HMGXB3: variants seen among roughly 807,000 people sequenced by gnomAD.
HMGXB3 encodes the protein HMG domain-containing protein 3.
In HMGXB3, 45 loss-of-function variants were observed where a neutral mutation model predicts 121.5. The observed-to-expected ratio is 0.37, with a 90% CI of 0.29 to 0.47. The LOEUF is 0.47. Ranked by LOEUF, HMGXB3 falls within the 20% of genes least tolerant of loss-of-function variation. The pLI, the probability that HMGXB3 is intolerant of heterozygous loss-of-function variation, is 0.99. For synonymous variants in HMGXB3, 590 were observed against 624.1 expected (o/e 0.95, Z 0.81); for missense variants, 1,376 against 1,602.2 (o/e 0.86, Z 2.41).
intron 13 of HMGXB3, among the ~76,000 whole-genome samples, chr5:150,039,521 A>G (rs1018247707): frequency 1.3e-5 from 2 of 152,048 alleles, no homozygotes; most frequent in Non-Finnish European, 2.9e-5. Context: ...CTTGTGTATA[A>G]TCAGGTAATT....
intron 5 of HMGXB3, among the ~76,000 whole-genome samples, chr5:150,013,105 A>C (rs1470373787): frequency 6.6e-6 from 1 of 152,184 alleles, no homozygotes; most frequent in Non-Finnish European, 1.5e-5. Flanking sequence ...GATATTGTCT[A>C]GGACTTCTGG....
At chr5:150,046,235 T>C (rs928240916) in intron 16 of HMGXB3, among the ~76,000 whole-genome samples, 2 of 152,190 alleles carry the variant, frequency 1.3e-5, no homozygotes, top group African/African-American at 4.8e-5. Context: ...CGATAATAGC[T>C]ACCCACTTCC....
At chr5:150,008,623 G>T (rs928238336) in intron 3 of HMGXB3, among the ~76,000 whole-genome samples, 4 of 152,222 alleles carry the variant, frequency 2.6e-5, no homozygotes, top group African/African-American at 9.6e-5. Flanking sequence ...TCAGAGCCCT[G>T]TGGCAGGCTG....
intron 4 of HMGXB3, 148 bp downstream of exon 4, chr5:150,010,756 C>T: frequency 3.6e-6 from 3 of 827,180 alleles, no homozygotes; most frequent in Non-Finnish European, 3.7e-6. Context: ...ATGTGTCTTG[C>T]CCCTGGGCTC....
In HMGXB3 at chr5:150,001,171, C is replaced by T. The variant is rs1231573369; in HGVS notation, c.-11C>T. The T allele has an allele frequency of 6.5e-6, 1 of 152,952 alleles. No individual in the cohort carries two copies. Among genetic ancestry groups the T allele is most frequent in the East Asian group, 1.9e-4 (1 of 5,178 alleles). The allele number at this position is 152,952 out of a possible 1,614,324, so 9.5% of individuals were successfully genotyped here. A position where few individuals can be genotyped will look rare whatever the true frequency, so the allele number is the denominator to read the frequency against. The stretch of plus-strand genomic sequence containing the variant: ...GAATGTGAGCGGCGCAGCTTGCACG[C>T]TCCTCCGGGTAAGTCCCGCCTTCGA... On this transcript the variant is annotated 5_prime_UTR_variant, in exon 1 of 20. Transcript: ENST00000502717.
chr5:150,002,624 G>C (rs1019942675), intron 1 of HMGXB3, among the ~76,000 whole-genome samples: 5 of 152,168 alleles, frequency 3.3e-5, no homozygotes, highest in African/African-American at 1.2e-4. Flanking sequence ...CTCCCTCCAA[G>C]GATTGAGACT....
chr5:150,012,330 G>A lies in HMGXB3; in HGVS notation c.886G>A (p.Glu296Lys), dbSNP rs927315371. ...MLPLPAYSVV[E>K]NPTSIKLTTT... is the part of the protein sequence containing the mutation. ...GCCTCTGCCTGCCTACTCGGTTGTGGAGAACCCCACCTCCATCAAACTGGT... is the reference window on the plus strand; with the variant it reads ...GCCTCTGCCTGCCTACTCGGTTGTGAAGAACCCCACCTCCATCAAACTGGT... The change falls in exon 5 of 20, where the codon GAG becomes AAG. Residue 296 changes from glutamate (E) to lysine (K), a missense_variant. Around this residue, in one of 2 missense-constraint regions of HMGXB3, gnomAD observed 1,116 missense variants for 1,369.0 expected, o/e 0.82. Transcript: ENST00000502717. 2 of 1,552,274 alleles carry A rather than the reference G, an allele frequency of 1.3e-6. No homozygotes were observed. Among genetic ancestry groups the A allele is most frequent in the East Asian group, 2.4e-5 (1 of 40,918 alleles).
chr5:150,029,466 C>A (rs1189240078), intron 9 of HMGXB3, among the ~76,000 whole-genome samples: 2 of 151,938 alleles, frequency 1.3e-5, no homozygotes, highest in Non-Finnish European at 2.9e-5. Context: ...TCAAAATTTC[C>A]TAAGTTAGCA....
At chr5:150,031,176 G>GT (rs1756367134) in intron 10 of HMGXB3, among the ~76,000 whole-genome samples, 2 of 152,204 alleles carry the variant, frequency 1.3e-5, no homozygotes, top group African/African-American at 2.4e-5. Context: ...GTGTTCCACA[G>GT]TTACATTTAG....
chr5:150,010,316 C>A lies in HMGXB3; in HGVS notation c.518C>A (p.Pro173His). ...LVSNTAPETV[P>H]SHAGMAEQCL... Reference sequence around the variant, plus strand: ...TCCAACACTGCCCCGGAGACAGTGCCCAGCCATGCAGGCATGGCAGAGCAG... The same window carrying A: ...TCCAACACTGCCCCGGAGACAGTGCACAGCCATGCAGGCATGGCAGAGCAG... Residue 173 changes from proline to histidine, a missense_variant, in exon 4 of 20, where the codon CCC becomes CAC. This residue lies in a region of HMGXB3 where 1,116 missense variants were observed against 1,369.0 expected (regional missense o/e 0.82). Coordinates refer to ENST00000502717, the MANE Select transcript of HMGXB3 (RefSeq NM_014983.3). The A allele has an allele frequency of 2.6e-6, 4 of 1,551,766 alleles. No individual in the cohort carries two copies. Among genetic ancestry groups the A allele is most frequent in the Non-Finnish European group, 3.5e-6 (4 of 1,146,998 alleles).
chr5:150,010,515 C>T lies in HMGXB3; in HGVS notation c.717C>T (p.Thr239=). 6.4e-7 allele frequency: 1 copy of T among 1,551,632 alleles called. No homozygotes were observed. Among genetic ancestry groups the T allele is most frequent in the Non-Finnish European group, 8.7e-7 (1 of 1,146,998 alleles). The change falls in exon 4 of 20, where the codon ACC becomes ACT. Residue 239 remains threonine (T), a synonymous_variant. Coordinates refer to ENST00000502717, the MANE Select transcript of HMGXB3 (RefSeq NM_014983.3). The stretch of plus-strand genomic sequence containing the variant: ...AGACAAGCCTGGTAATTGAAGAGAC[C>T]TTGGTGAATGGCTCACCAGACCTCC... ...PYQTSLVIEE[T]LVNGSPDLPT...
At chr5:150,044,421 G>A (rs1036869827) in intron 15 of HMGXB3, among the ~76,000 whole-genome samples, 13 of 152,170 alleles carry the variant, frequency 8.5e-5, no homozygotes, top group African/African-American at 2.7e-4. Context: ...AAGCACCCCT[G>A]TGAGGTGGCA....
At position 150,004,774 on chromosome 5, in the gene HMGXB3, G is replaced by C. The variant is rs1755656619; in HGVS notation, c.-2-77G>C. ...GCCTTAAGGCACTGGCAGAGGTAAG[G>C]GGTTATTTGATCAGGAAGCTGCTGC... is the stretch of plus-strand genomic sequence containing the variant. On this transcript the variant is annotated intron_variant, in intron 1 of 19. Coordinates refer to ENST00000502717, the MANE Select transcript of HMGXB3 (RefSeq NM_014983.3). 6.2e-6 allele frequency: 6 copies of C among 964,144 alleles called. No homozygotes were observed. In the Admixed American group the frequency reaches 1.0e-4, roughly 16 times the overall value. 59.7% of individuals were successfully genotyped at this position (964,144 alleles called of 1,614,324 possible).
intron 11 of HMGXB3, 116 bp downstream of exon 11, chr5:150,032,719 C>A: frequency 8.2e-7 from 1 of 1,225,902 alleles, no homozygotes; most frequent in Admixed American, 2.3e-5. Context: ...AGCATCCAAA[C>A]TGAACCAGTT....
intron 11 of HMGXB3, among the ~76,000 whole-genome samples, chr5:150,036,031 T>G (rs1417268892): frequency 6.6e-6 from 1 of 152,228 alleles, no homozygotes; most frequent in African/African-American, 2.4e-5. Flanking sequence ...TTATGCCCCA[T>G]TTCACAGATG....
Position 150,036,765 on chromosome 5 carries a change from G to A in HMGXB3, c.2113G>A (p.Glu705Lys). Residue 705 changes from glutamate (E) to lysine (K), a missense_variant, in exon 12 of 20, where the codon GAG becomes AAG. Coordinates refer to ENST00000502717, the MANE Select transcript of HMGXB3 (RefSeq NM_014983.3). ...CCTGCAGATTCCTGAGAATGAGTCA[G>A]AGCTGGCTGAGGTCTTCGCCTTGAT... ...KVLQIPENESELAEVFALIHE... is the reference protein window; with the variant it reads ...KVLQIPENESKLAEVFALIHE... 6.4e-7 allele frequency: 1 copy of A among 1,551,744 alleles called. No homozygotes were observed. Among genetic ancestry groups the A allele is most frequent in the Non-Finnish European group, 8.7e-7 (1 of 1,147,012 alleles).
Position 150,006,501 on chromosome 5 carries a change from A to G in HMGXB3, c.166A>G (p.Ile56Val). The G allele has an allele frequency of 1.9e-6, 3 of 1,551,858 alleles. No homozygotes were observed. Among genetic ancestry groups the G allele is most frequent in the Non-Finnish European group, 2.6e-6 (3 of 1,147,022 alleles). The stretch of plus-strand genomic sequence containing the variant: ...TGCTTACCTTCTGTACTATTACGAC[A>G]TCTACCTGAAAGTGCAGCAGGAGCT... ...RSAYLLYYYD[I>V]YLKVQQELPH... The change falls in exon 3 of 20, where the codon ATC (isoleucine) becomes GTC (valine). Residue 56 changes from isoleucine (I) to valine (V), a missense_variant. Coordinates refer to ENST00000502717, the MANE Select transcript of HMGXB3 (RefSeq NM_014983.3).
chr5:150,021,367 A>T (rs1756089484), intron 6 of HMGXB3, among the ~76,000 whole-genome samples: 1 of 152,238 alleles, frequency 6.6e-6, no homozygotes, highest in Non-Finnish European at 1.5e-5. Context: ...CACACAGCCA[A>T]TTATCCCATT....
chr5:150,047,448 TA>T, intron 16 of HMGXB3, 175 bp from the exon 17 acceptor site: 1 of 684,928 alleles, frequency 1.5e-6, no homozygotes, highest in Non-Finnish European at 2.4e-6. Context: ...AAGCCAGTTG[TA>T]ATAGACTTCA....
Sources: allele counts gnomAD v4.1 joint callset (sites outside exome capture counted in the v4.1 genomes callset), GRCh38; gene constraint gnomAD v4.1.1; regional missense constraint gnomAD v4.1.1; transcripts MANE v1.5; gene names NCBI Gene and HGNC (gene_info 2026-07-23, HGNC 2026-07-21).